The following SPAG16 variants were observed in gnomAD, a reference collection of about 807,000 sequenced individuals.
SPAG16 encodes sperm-associated antigen 16 protein.
In SPAG16, 86 loss-of-function variants were observed where a neutral mutation model predicts 80.4. The ratio of observed to expected loss-of-function variants is 1.07; its 90% CI spans 0.90 to 1.28. The LOEUF (loss-of-function observed/expected upper bound fraction) is 1.28. Ranked by LOEUF, SPAG16 falls within the 50% of genes most tolerant of loss-of-function variation. The pLI, the probability that SPAG16 is intolerant of heterozygous loss-of-function variation, is 0.00. For synonymous variants in SPAG16, 294 were observed against 265.9 expected, an observed-to-expected ratio of 1.11 and a Z score of -1.03; for missense variants, 870 against 765.3, an observed-to-expected ratio of 1.14 and a Z score of -1.61.
chr2:214,128,487 A>G lies in SPAG16; in HGVS notation c.1593+20226A>G, dbSNP rs538834360. Among the ~76,000 whole-genome samples the G allele has an allele frequency of 2.6e-5, 4 of 151,908 alleles. No homozygotes were observed. In the South Asian group the frequency reaches 8.3e-4, roughly 31 times the overall value. ...TCTCCACTGTCCCCTAACCCTTCTTATATTTACCCTCAACTTTGGCCAGTT... is the reference window on the plus strand; with the variant it reads ...TCTCCACTGTCCCCTAACCCTTCTTGTATTTACCCTCAACTTTGGCCAGTT... On this transcript the variant is annotated intron_variant, in intron 14 of 15. Coordinates refer to ENST00000331683, the MANE Select transcript of SPAG16 (RefSeq NM_024532.5).
At position 214,179,063 on chromosome 2, in the gene SPAG16, A is replaced by C. The variant is rs1489682618; in HGVS notation, c.1720+29797A>C. Among the ~76,000 whole-genome samples the C allele has an allele frequency of 3.3e-5, 5 of 151,432 alleles. No individual in the cohort carries two copies. In the Admixed American group the frequency reaches 3.3e-4, roughly 10 times the overall value. On this transcript the variant is annotated intron_variant, in intron 15 of 15. Transcript: ENST00000331683. ...AGTAATGAAAATATTGCCAAACTCT[A>C]ATCACTTCTCTACTTTTAGAAATAT...
chr2:213,511,047 T>C (rs181018475), intron 10 of SPAG16, among the ~76,000 whole-genome samples: 71 of 152,288 alleles, frequency 4.7e-4, no homozygotes, highest in Middle Eastern at 3.4e-3. Flanking sequence ...TATTAAAATA[T>C]TAAAAATGCT....
At chr2:214,074,703 G>T (rs1032637519) in intron 13 of SPAG16, among the ~76,000 whole-genome samples, 1 of 151,918 alleles carries the variant, frequency 6.6e-6, no homozygotes, top group African/African-American at 2.4e-5. Context: ...TAAAAAGACA[G>T]TTTTCAATTA....
intron 10 of SPAG16, among the ~76,000 whole-genome samples, chr2:213,761,210 C>T (rs2433721): frequency 5.1e-4 from 78 of 151,894 alleles, no homozygotes; most frequent in African/African-American, 1.7e-3. Flanking sequence ...AAGGGAAATT[C>T]GAAAATACTT....
Position 213,620,525 on chromosome 2 carries a change from C to T in SPAG16, c.1070+130435C>T, listed in dbSNP as rs546810688. On this transcript the variant is annotated intron_variant, in intron 10 of 15. Coordinates refer to ENST00000331683, the MANE Select transcript of SPAG16 (RefSeq NM_024532.5). ...GCCAGGATGGTCTCGATCTCTTGAC[C>T]TCGTGATCCACCTGTCTCAGCCTCC... Among the ~76,000 whole-genome samples, 17 of 152,004 alleles carry T rather than the reference C, an allele frequency of 1.1e-4. No individual in the cohort carries two copies. In the South Asian group the frequency reaches 3.5e-3, roughly 32 times the overall value.
intron 15 of SPAG16, among the ~76,000 whole-genome samples, chr2:214,268,110 A>C (rs1207045610): frequency 6.6e-6 from 1 of 151,164 alleles, no homozygotes; most frequent in Non-Finnish European, 1.5e-5. Flanking sequence ...AATGTAAATT[A>C]AAACCACAAT....
chr2:213,512,767 A>G lies in SPAG16; in HGVS notation c.1070+22677A>G, dbSNP rs113105728. Among the ~76,000 whole-genome samples, 120 of 152,198 alleles carry G rather than the reference A, an allele frequency of 7.9e-4. 2 individuals carry two copies. The highest frequency in any genetic ancestry group is 3.4e-3 in the Middle Eastern group (1 of 294). ...ATTACTTTCTGCTGAACAGATTATA[A>G]AGTACTATCTCCAGGCATTTCCTGC... is the stretch of plus-strand genomic sequence containing the variant. On this transcript the variant is annotated intron_variant, in intron 10 of 15. Transcript: ENST00000331683.
chr2:213,721,977 C>T (rs901156544), intron 10 of SPAG16, among the ~76,000 whole-genome samples: 3 of 152,122 alleles, frequency 2.0e-5, no homozygotes, highest in Admixed American at 1.3e-4. Flanking sequence ...AAAGAAAAAA[C>T]TGTTTATAAC....
intron 7 of SPAG16, among the ~76,000 whole-genome samples, chr2:213,362,064 A>G (rs529461856): frequency 1.3e-5 from 2 of 152,234 alleles, no homozygotes; most frequent in African/African-American, 4.8e-5. Flanking sequence ...ATTCTTGTCC[A>G]GTTGCCCAGA....
At chr2:213,618,229 C>T (rs1294378076) in intron 10 of SPAG16, among the ~76,000 whole-genome samples, 1 of 152,156 alleles carries the variant, frequency 6.6e-6, no homozygotes, top group African/African-American at 2.4e-5. Context: ...ATTTCTGACT[C>T]TTTCTCAGCA....
intron 15 of SPAG16, among the ~76,000 whole-genome samples, chr2:214,177,900 C>CATATATATATATACATATATATATAT (rs1553519901): frequency 1.6e-5 from 1 of 64,006 alleles, no homozygotes. Context: ...TATATATATA[C>CATATATATATATACATATATATATAT]ATATATATAT....
At chr2:214,225,237 A>G (rs2058674509) in intron 15 of SPAG16, among the ~76,000 whole-genome samples, 1 of 152,202 alleles carries the variant, frequency 6.6e-6, no homozygotes, top group Admixed American at 6.6e-5. Context: ...GATGGAGCCA[A>G]ATATTGTAGG....
chr2:214,190,486 A>G (rs1006149835), intron 15 of SPAG16, among the ~76,000 whole-genome samples: 2 of 152,136 alleles, frequency 1.3e-5, no homozygotes, highest in Non-Finnish European at 2.9e-5. Context: ...AGACTATTAT[A>G]TACCCTTGTA....
At chr2:213,676,643 T>G (rs538947585) in intron 10 of SPAG16, among the ~76,000 whole-genome samples, 147 of 152,296 alleles carry the variant, frequency 9.7e-4, no homozygotes, top group African/African-American at 3.1e-3. Context: ...GAGATAATCA[T>G]GTGGTTTTTG....
At chr2:213,504,033 C>G (rs545667283) in intron 10 of SPAG16, among the ~76,000 whole-genome samples, 1 of 152,168 alleles carries the variant, frequency 6.6e-6, no homozygotes, top group Admixed American at 6.5e-5. Context: ...GTCTGCGTGT[C>G]TTGTTCTCGT....
chr2:213,771,495 G>T (rs1488434503), intron 10 of SPAG16, among the ~76,000 whole-genome samples: 2 of 151,934 alleles, frequency 1.3e-5, no homozygotes, highest in East Asian at 1.9e-4. Flanking sequence ...TGTTGCAATT[G>T]CTTCTGGTGT....
chr2:213,610,553 T>C (rs1160435345), intron 10 of SPAG16, among the ~76,000 whole-genome samples: 1 of 152,142 alleles, frequency 6.6e-6, no homozygotes, highest in Non-Finnish European at 1.5e-5. Flanking sequence ...TTCTGTAACC[T>C]TGCTACAGGA....
intron 11 of SPAG16, among the ~76,000 whole-genome samples, chr2:213,918,940 C>G (rs13428211): frequency 6.6e-6 from 1 of 151,852 alleles, no homozygotes; most frequent in Admixed American, 6.6e-5. Context: ...GTAATAGTCT[C>G]TGATGGTTAT....
chr2:214,358,224 T>C (rs1297140836), intron 15 of SPAG16, among the ~76,000 whole-genome samples: 2 of 151,852 alleles, frequency 1.3e-5, no homozygotes, highest in African/African-American at 4.8e-5. Flanking sequence ...GACATCCCAG[T>C]TTTAAATGAG....
Sources: gnomAD v4.1 joint callset for allele counts (sites outside exome capture counted in the v4.1 genomes callset) on GRCh38, gnomAD v4.1.1 for gene constraint, MANE v1.5 for transcripts, NCBI Gene and HGNC (gene_info 2026-07-23, HGNC 2026-07-21) for gene names.